THSD4: variants seen among roughly 807,000 people sequenced by gnomAD.
The protein encoded by THSD4 is thrombospondin type-1 domain-containing protein 4.
A neutral mutation model predicts 119.0 loss-of-function variants in THSD4; 69 were observed. That is an observed-to-expected ratio of 0.58 (90% confidence interval 0.48 to 0.71). THSD4 has a LOEUF of 0.71. Ranked by LOEUF, THSD4 falls within the 30% of genes least tolerant of loss-of-function variation. The pLI, the probability that THSD4 is intolerant of heterozygous loss-of-function variation, is 0.00. For synonymous variants in THSD4, 524 were observed against 540.4 expected, an observed-to-expected ratio of 0.97 and a Z score of 0.42; for missense variants, 1,393 against 1,391.1, an observed-to-expected ratio of 1.00 and a Z score of -0.02.
intron 7 of THSD4, among the ~76,000 whole-genome samples, chr15:71,609,360 C>T (rs191872302): frequency 3.9e-4 from 60 of 152,298 alleles, no homozygotes; most frequent in African/African-American, 1.3e-3. Context: ...TCTCTTAGCT[C>T]AGCCCTGTCC....
chr15:71,204,494 G>A (rs74851705), intron 3 of THSD4, among the ~76,000 whole-genome samples: 10,550 of 152,134 alleles, frequency 0.069, 626 homozygotes, highest in Admixed American at 0.19. Flanking sequence ...GGCAAGAAAT[G>A]TAAGTGTGCT....
intron 8 of THSD4, among the ~76,000 whole-genome samples, chr15:71,683,628 G>A (rs2051844145): frequency 6.6e-6 from 1 of 152,192 alleles, no homozygotes; most frequent in Admixed American, 6.5e-5. Context: ...CCTGATTCAT[G>A]CCCAGAGTGT....
chr15:71,161,900 A>G (rs1398838723), intron 3 of THSD4, among the ~76,000 whole-genome samples: 1 of 151,572 alleles, frequency 6.6e-6, no homozygotes, highest in Non-Finnish European at 1.5e-5. Context: ...TTATTTGTGT[A>G]TCTGTTGTAA....
At chr15:71,747,705 A>C (rs1211921106) in intron 13 of THSD4, among the ~76,000 whole-genome samples, 3 of 152,262 alleles carry the variant, frequency 2.0e-5, no homozygotes, top group South Asian at 4.1e-4. Flanking sequence ...TTCATGAGTC[A>C]GAAATAAATC....
rs67260180 is a variant in THSD4, at chr15:71,306,307, C to CAAAA, written c.1015+49620_1015+49623dup. 2.3e-3 allele frequency among the ~76,000 whole-genome samples: 144 copies of CAAAA among 62,940 alleles called. 9 individuals are homozygous for CAAAA. The highest frequency in any genetic ancestry group is 9.1e-3 in the African/African-American group (137 of 15,068). 41.3% of individuals were successfully genotyped at this position (62,940 alleles called of 152,430 possible). A position where few individuals can be genotyped will look rare whatever the true frequency, so the allele number is the denominator to read the frequency against. On this transcript the variant is annotated intron_variant, in intron 6 of 17. Coordinates refer to ENST00000261862, the MANE Select transcript of THSD4 (RefSeq NM_024817.3). ...GGTGATAAGAGCAAGACTCTTGCCT[C>CAAAA]AAAAAAAAAAAAAAAAAAAAAAAAA...
intron 7 of THSD4, among the ~76,000 whole-genome samples, chr15:71,610,497 A>G (rs4777417): frequency 0.71 from 108,287 of 152,050 alleles, 39,104 homozygotes; most frequent in East Asian, 0.99. Flanking sequence ...ATGGAACTTA[A>G]CAAAGGGGAC....
At chr15:71,126,943 T>C (rs2040461019) in intron 1 of THSD4, among the ~76,000 whole-genome samples, 1 of 152,234 alleles carries the variant, frequency 6.6e-6, no homozygotes, top group African/African-American at 2.4e-5. Context: ...GTAGTGAGAA[T>C]ATCTGAAATT....
Position 71,602,553 on chromosome 15 carries a change from CAAAAAAAAAAAAAAAAAA to C in THSD4, c.1153-57967_1153-57950del, listed in dbSNP as rs59370074. Among the ~76,000 whole-genome samples the C allele has an allele frequency of 9.3e-5, 5 of 53,902 alleles. No homozygotes were observed. In the East Asian group the frequency reaches 1.9e-3, roughly 20 times the overall value. The allele number at this position is 53,902 out of a possible 152,430, so 35.4% of individuals were successfully genotyped here. ...GGACAATAAGAGTGAAACTCTGTCT[CAAAAAAAAAAAAAAAAAA>C]AAAAAAAAATGAAAAAGAAAAACAG... On this transcript the variant is annotated intron_variant, in intron 7 of 17. Transcript: ENST00000261862.
chr15:71,304,556 T>C lies in THSD4; in HGVS notation c.1015+47841T>C, dbSNP rs1490110694. 2.6e-5 allele frequency among the ~76,000 whole-genome samples: 4 copies of C among 152,182 alleles called. No individual in the cohort carries two copies. In the East Asian group the frequency reaches 7.7e-4, roughly 29 times the overall value. ...TTTAGCCCAAATTCTTTTCCTCCTTTCTTGTTTTTCCCCAATCGGAAGATT... is the reference window on the plus strand; with the variant it reads ...TTTAGCCCAAATTCTTTTCCTCCTTCCTTGTTTTTCCCCAATCGGAAGATT... On this transcript the variant is annotated intron_variant, in intron 6 of 17. Coordinates refer to ENST00000261862, the MANE Select transcript of THSD4 (RefSeq NM_024817.3).
At chr15:71,744,100 T>G (rs1479993757) in intron 11 of THSD4, among the ~76,000 whole-genome samples, 1 of 151,518 alleles carries the variant, frequency 6.6e-6, no homozygotes, top group Non-Finnish European at 1.5e-5. Context: ...AATAGCTCAG[T>G]GTTGCCACCA....
chr15:71,594,525 A>G (rs1165364394), intron 7 of THSD4, among the ~76,000 whole-genome samples: 1 of 152,070 alleles, frequency 6.6e-6, no homozygotes, highest in Non-Finnish European at 1.5e-5. Flanking sequence ...GCTCCAGAGT[A>G]TCCAGCCCGA....
intron 7 of THSD4, among the ~76,000 whole-genome samples, chr15:71,607,994 C>T (rs770018453): frequency 1.1e-4 from 16 of 152,018 alleles, no homozygotes; most frequent in Admixed American, 3.3e-4. Context: ...GAGGCCAAGG[C>T]GGGCGGATCA....
At chr15:71,734,142 C>G (rs1043465837) in intron 10 of THSD4, among the ~76,000 whole-genome samples, 14 of 152,014 alleles carry the variant, frequency 9.2e-5, no homozygotes, top group African/African-American at 3.4e-4. Context: ...TACAGTAACC[C>G]TAGAATTTGC....
chr15:71,208,243 C>T lies in THSD4; in HGVS notation c.100-6792C>T, dbSNP rs1567157703. Among the ~76,000 whole-genome samples the T allele has an allele frequency of 1.3e-5, 2 of 152,266 alleles. 1 individual carries two copies. Among genetic ancestry groups the T allele is most frequent in the East Asian group, 3.9e-4 (2 of 5,172 alleles). The stretch of plus-strand genomic sequence containing the variant: ...AGACCTAAGGAAAGGGGAATGCTGC[C>T]CCATATATACACCTTCCTATGGATA... On this transcript the variant is annotated intron_variant, in intron 3 of 17. Transcript: ENST00000261862.
intron 6 of THSD4, among the ~76,000 whole-genome samples, chr15:71,301,214 A>G (rs577636186): frequency 8.2e-4 from 125 of 152,312 alleles, no homozygotes; most frequent in African/African-American, 2.7e-3. Flanking sequence ...ACTTCCATTA[A>G]TATTTTGTTC....
chr15:71,344,604 G>A (rs2045630452), intron 6 of THSD4, among the ~76,000 whole-genome samples: 1 of 152,126 alleles, frequency 6.6e-6, no homozygotes, highest in Non-Finnish European at 1.5e-5. Flanking sequence ...TCAGCACTGT[G>A]CCGTAAGCAT....
intron 8 of THSD4, among the ~76,000 whole-genome samples, chr15:71,726,269 G>A (rs1189208172): frequency 6.6e-6 from 1 of 152,222 alleles, no homozygotes; most frequent in Admixed American, 6.5e-5. Flanking sequence ...AGTCTGCAGG[G>A]GGAGCCCAGC....
intron 7 of THSD4, among the ~76,000 whole-genome samples, chr15:71,546,249 T>G (rs573396582): frequency 6.6e-6 from 1 of 152,220 alleles, no homozygotes; most frequent in East Asian, 1.9e-4. Flanking sequence ...TCAGGGTGTT[T>G]CCACTGCACC....
chr15:71,100,403 A>G (rs111849353), intron 1 of THSD4, among the ~76,000 whole-genome samples: 22 of 152,276 alleles, frequency 1.4e-4, no homozygotes, highest in African/African-American at 5.1e-4. Context: ...CAACAGCCCA[A>G]AAGAAATGAA....
Sources: allele counts gnomAD v4.1 joint callset (sites outside exome capture counted in the v4.1 genomes callset), GRCh38; gene constraint gnomAD v4.1.1; transcripts MANE v1.5; gene names NCBI Gene and HGNC (gene_info 2026-07-23, HGNC 2026-07-21).